Variants in SLK observed in about 807,000 individuals in gnomAD.
SLK encodes STE20-like serine/threonine-protein kinase.
SLK carries 67 observed loss-of-function variants against 147.7 expected under a neutral mutation model. That is an observed-to-expected ratio of 0.45 (90% CI 0.37 to 0.56). SLK has a LOEUF of 0.56. Among genes scored for constraint, SLK ranks in the 20% least tolerant of loss-of-function variants. The pLI is 0.00. For missense variants in SLK, 1,136 were observed against 1,438.8 expected, an observed-to-expected ratio of 0.79 and a Z score of 3.41; for synonymous variants, 441 against 475.0, an observed-to-expected ratio of 0.93 and a Z score of 0.93.
At chr10:103,973,199 A>T (rs1023461687) in intron 1 of SLK, among the ~76,000 whole-genome samples, 3 of 152,148 alleles carry the variant, frequency 2.0e-5, no homozygotes, top group Non-Finnish European at 2.9e-5. Context: ...CCTAGAATAG[A>T]TGTTTGTAAA....
chr10:103,995,633 C>A (rs1407623453), intron 4 of SLK, among the ~76,000 whole-genome samples: 2 of 151,882 alleles, frequency 1.3e-5, no homozygotes, highest in Non-Finnish European at 1.5e-5. Context: ...ACCATGTTGA[C>A]CGGGCTGGTC....
chr10:104,013,438 A>G (rs1230713041), intron 13 of SLK, among the ~76,000 whole-genome samples: 2 of 152,238 alleles, frequency 1.3e-5, no homozygotes, highest in Non-Finnish European at 2.9e-5. Flanking sequence ...AAAAAACAAC[A>G]GCAACACACT....
intron 11 of SLK, among the ~76,000 whole-genome samples, chr10:104,006,640 G>A (rs1844329421): frequency 6.6e-6 from 1 of 152,180 alleles, no homozygotes; most frequent in Non-Finnish European, 1.5e-5. Context: ...TGTAATTTAT[G>A]TTGACTATCT....
chr10:103,984,803 T>TC (rs1279488328), intron 1 of SLK, among the ~76,000 whole-genome samples: 1 of 152,214 alleles, frequency 6.6e-6, no homozygotes. Context: ...CCCAAAATTG[T>TC]AAGTACCCCA....
In SLK at chr10:104,005,618, G is replaced by A. The variant is rs775714232; in HGVS notation, c.2407G>A (p.Val803Ile). 1.7e-5 allele frequency: 28 copies of A among 1,608,204 alleles called. No individual in the cohort carries two copies. Among genetic ancestry groups the A allele is most frequent in the Non-Finnish European group, 2.2e-5 (26 of 1,176,940 alleles). ...AACACGCAAATTTATTGTTGATGGT[G>A]TAGAAGTGAGTGTAACAACATCAAA... ...KKTRKFIVDG[V>I]EVSVTTSKIV... Residue 803 changes from valine to isoleucine, a missense_variant, in exon 10 of 19, where the codon GTA becomes ATA. Transcript: ENST00000369755.
chr10:104,008,655 C>A (rs1330346522), intron 12 of SLK, among the ~76,000 whole-genome samples: 1 of 152,142 alleles, frequency 6.6e-6, no homozygotes, highest in African/African-American at 2.4e-5. Context: ...AACCTTGAAT[C>A]AGGTCTTCAA....
chr10:104,024,144 T>C (rs559730679), intron 18 of SLK, among the ~76,000 whole-genome samples: 1 of 152,354 alleles, frequency 6.6e-6, no homozygotes, highest in East Asian at 1.9e-4. Flanking sequence ...TGTCACACCC[T>C]ACATTCAATC....
intron 1 of SLK, 114 bp downstream of exon 1, chr10:103,968,009 C>A (rs1447319026): frequency 2.8e-6 from 3 of 1,087,352 alleles, no homozygotes; most frequent in Non-Finnish European, 4.0e-6. Context: ...TTGACTGTTA[C>A]GGTTCGATGC....
intron 18 of SLK, among the ~76,000 whole-genome samples, chr10:104,024,299 A>G (rs530279638): frequency 6.6e-6 from 1 of 152,252 alleles, no homozygotes; most frequent in South Asian, 2.1e-4. Context: ...CTCGCCTGCC[A>G]TCACCGGAGG....
In SLK at chr10:103,980,195, A is replaced by G. The variant is rs542467413; in HGVS notation, c.151-10480A>G. Among the ~76,000 whole-genome samples, 9 of 152,204 alleles carry G rather than the reference A, an allele frequency of 5.9e-5. No individual in the cohort carries two copies. In the South Asian group the frequency reaches 1.9e-3, roughly 32 times the overall value. On this transcript the variant is annotated intron_variant, in intron 1 of 18. Transcript: ENST00000369755. ...TATTTCCATGACATTCTCTTAGGTTAAATTTTTAGGAGAATTGTTAGAGCA... is the reference window on the plus strand; with the variant it reads ...TATTTCCATGACATTCTCTTAGGTTGAATTTTTAGGAGAATTGTTAGAGCA...
rs1446327807 is a variant in SLK at position 104,026,218 on chromosome 10, TA to T, written c.*499del. On this transcript the variant is annotated 3_prime_UTR_variant, in exon 19 of 19. Transcript: ENST00000369755. The stretch of plus-strand genomic sequence containing the variant: ...ATGCTGTTGACTCAGTAAATGAATA[TA>T]TTTTTTTCTTTAAATAGGAACAACC... The T allele has an allele frequency of 6.5e-6, 1 of 152,710 alleles. No homozygotes were observed. Among genetic ancestry groups the T allele is most frequent in the Non-Finnish European group, 1.5e-5 (1 of 68,078 alleles). 9.5% of individuals were successfully genotyped at this position (152,710 alleles called of 1,614,324 possible). A position where few individuals can be genotyped will look rare whatever the true frequency, so the allele number is the denominator to read the frequency against.
chr10:103,970,078 C>T (rs1054181102), intron 1 of SLK, among the ~76,000 whole-genome samples: 5 of 152,124 alleles, frequency 3.3e-5, no homozygotes, highest in Admixed American at 3.3e-4. Flanking sequence ...TCTTATTTGT[C>T]CTGTGCCTAA....
In SLK at chr10:104,003,445, C is replaced by G; in HGVS notation, c.2267C>G (p.Ala756Gly). 2 of 1,613,148 alleles carry G rather than the reference C, an allele frequency of 1.2e-6. No individual in the cohort carries two copies. Among genetic ancestry groups the G allele is most frequent in the Non-Finnish European group, 1.7e-6 (2 of 1,179,296 alleles). ...NDNDSGTGST[A>G]DTSSIDLNLS... Reference sequence around the variant, plus strand: ...AATGATTCAGGCACTGGTTCCACTGCTGATACTAGCAGTATTGACTTGAAT... The same window carrying G: ...AATGATTCAGGCACTGGTTCCACTGGTGATACTAGCAGTATTGACTTGAAT... The change falls in exon 9 of 19, where the codon GCT (alanine) becomes GGT (glycine). Residue 756 changes from alanine (A) to glycine (G), a missense_variant. Transcript: ENST00000369755.
At chr10:104,017,413 T>G (rs2134526715) in intron 13 of SLK, among the ~76,000 whole-genome samples, 2 of 152,326 alleles carry the variant, frequency 1.3e-5, no homozygotes, top group Middle Eastern at 6.8e-3. Flanking sequence ...AAATTCTTCC[T>G]CTTTAGTTCC....
intron 1 of SLK, among the ~76,000 whole-genome samples, chr10:103,978,294 T>C (rs1843896394): frequency 1.3e-5 from 2 of 152,158 alleles, no homozygotes; most frequent in East Asian, 3.8e-4. Flanking sequence ...TTCCCATGTT[T>C]CTTATTTGTA....
intron 13 of SLK, 76 bp downstream of exon 13, chr10:104,010,984 G>T: frequency 1.1e-6 from 1 of 872,900 alleles, no homozygotes; most frequent in South Asian, 2.5e-5. Context: ...TGGTTGAAAG[G>T]GTAAATTTTA....
intron 7 of SLK, among the ~76,000 whole-genome samples, chr10:104,000,487 A>G (rs1047266800): frequency 1.3e-5 from 2 of 152,192 alleles, no homozygotes; most frequent in African/African-American, 4.8e-5. Flanking sequence ...ATCTGGGGGA[A>G]TAAAGCAGGA....
chr10:103,973,151 T>C (rs911126219), intron 1 of SLK, among the ~76,000 whole-genome samples: 18 of 152,234 alleles, frequency 1.2e-4, no homozygotes, highest in African/African-American at 4.1e-4. Flanking sequence ...AAAAGCTTTA[T>C]GATTTTGCTT....
intron 1 of SLK, among the ~76,000 whole-genome samples, chr10:103,987,275 G>T (rs1236862279): frequency 6.6e-6 from 1 of 151,774 alleles, no homozygotes; most frequent in Non-Finnish European, 1.5e-5. Flanking sequence ...AATTTTAGAG[G>T]TTATCTAGTG....
Sources: gnomAD v4.1 joint callset for allele counts (sites outside exome capture counted in the v4.1 genomes callset) on GRCh38, gnomAD v4.1.1 for gene constraint, MANE v1.5 for transcripts, NCBI Gene and HGNC (gene_info 2026-07-23, HGNC 2026-07-21) for gene names.